CTXND2: variants seen among roughly 807,000 people sequenced by gnomAD.
The protein encoded by CTXND2 is cortexin domain containing 2.
intron 1 of CTXND2, among the ~76,000 whole-genome samples, chr1:150,900,403 C>T (rs940598359): frequency 5.3e-5 from 8 of 152,176 alleles, no homozygotes; most frequent in South Asian, 2.1e-4. Flanking sequence ...AAGGAACAAA[C>T]GTTGGACACA....
At chr1:150,893,179 A>G (rs1010872998) in intron 1 of CTXND2, among the ~76,000 whole-genome samples, 1 of 152,196 alleles carries the variant, frequency 6.6e-6, no homozygotes, top group African/African-American at 2.4e-5. Flanking sequence ...GCTGGTATTT[A>G]GAAATATAAT....
chr1:150,895,966 G>A (rs917869467), intron 1 of CTXND2, among the ~76,000 whole-genome samples: 32 of 152,188 alleles, frequency 2.1e-4, no homozygotes, highest in African/African-American at 7.7e-4. Flanking sequence ...CCTGGCTATG[G>A]TTCCTGATGG....
chr1:150,903,300 G>A (rs1485850482), intron 1 of CTXND2, among the ~76,000 whole-genome samples: 1 of 151,920 alleles, frequency 6.6e-6, no homozygotes, highest in Admixed American at 6.6e-5. Context: ...TTTATTATAA[G>A]TACTTTTGTG....
At chr1:150,887,416 G>A (rs922891621) in intron 1 of CTXND2, 103 bp downstream of exon 1, 2 of 151,810 alleles carry the variant, frequency 1.3e-5, no homozygotes, top group South Asian at 2.1e-4. Context: ...TTGGGAAATC[G>A]TGGGGAAATG....
intron 1 of CTXND2, among the ~76,000 whole-genome samples, chr1:150,911,171 C>T (rs901474438): frequency 2.0e-5 from 3 of 150,770 alleles, no homozygotes; most frequent in Non-Finnish European, 1.5e-5. Flanking sequence ...TGGTGTTGAA[C>T]TCCTGACCTC....
At chr1:150,903,672 C>T (rs1243921146) in intron 1 of CTXND2, among the ~76,000 whole-genome samples, 2 of 151,810 alleles carry the variant, frequency 1.3e-5, no homozygotes, top group African/African-American at 2.4e-5. Context: ...GTGGTGGGCG[C>T]CTGTAATCCC....
chr1:150,910,574 T>C (rs1403973912), intron 1 of CTXND2, among the ~76,000 whole-genome samples: 2 of 152,086 alleles, frequency 1.3e-5, no homozygotes, highest in East Asian at 1.9e-4. Flanking sequence ...ATTTTCTTGG[T>C]ACCCTAGTTT....
intron 1 of CTXND2, among the ~76,000 whole-genome samples, chr1:150,905,236 C>T (rs1403765170): frequency 6.6e-6 from 1 of 151,522 alleles, no homozygotes; most frequent in Admixed American, 6.6e-5. Flanking sequence ...TTCTACCTCC[C>T]GGATTCAAGT....
chr1:150,889,163 A>C (rs1668812739), intron 1 of CTXND2, among the ~76,000 whole-genome samples: 1 of 151,906 alleles, frequency 6.6e-6, no homozygotes, highest in Non-Finnish European at 1.5e-5. Flanking sequence ...TAATCCCAGC[A>C]CTCTGGGAAG....
intron 1 of CTXND2, among the ~76,000 whole-genome samples, chr1:150,900,433 C>T (rs1440550394): frequency 2.0e-5 from 3 of 152,156 alleles, no homozygotes; most frequent in Non-Finnish European, 4.4e-5. Context: ...AGAACTGTAA[C>T]ACTCACCGTG....
At chr1:150,905,806 C>T (rs192939760) in intron 1 of CTXND2, among the ~76,000 whole-genome samples, 7 of 151,750 alleles carry the variant, frequency 4.6e-5, no homozygotes, top group African/African-American at 7.3e-5. Flanking sequence ...CTGGCTAACA[C>T]GGTGAAACCC....
Position 150,906,392 on chromosome 1 carries a change from A to T in CTXND2, c.-73-5850A>T, listed in dbSNP as rs146830236. Reference sequence around the variant, plus strand: ...TATGGGATGTACAAAATTTGTGATGAGAAGCAAAGATAAAAGTACTTCCCC... The same window carrying T: ...TATGGGATGTACAAAATTTGTGATGTGAAGCAAAGATAAAAGTACTTCCCC... On this transcript the variant is annotated intron_variant, in intron 1 of 1. Coordinates refer to ENST00000636087, the Ensembl canonical transcript of CTXND2. Among the ~76,000 whole-genome samples the T allele has an allele frequency of 4.1e-3, 619 of 152,300 alleles. 1 individual carries two copies. Among genetic ancestry groups the T allele is most frequent in the African/African-American group, 0.014 (576 of 41,566 alleles).
chr1:150,910,133 C>CTTTTTTTTTTTTTTTTT (rs1338323220), intron 1 of CTXND2, among the ~76,000 whole-genome samples: 2 of 119,136 alleles, frequency 1.7e-5, no homozygotes, highest in African/African-American at 3.2e-5. Flanking sequence ...TTTTTTTTTT[C>CTTTTTTTTTTTTTTTTT]TTTTTTTTTT....
At chr1:150,909,657 A>G (rs1669214904) in intron 1 of CTXND2, among the ~76,000 whole-genome samples, 1 of 152,064 alleles carries the variant, frequency 6.6e-6, no homozygotes, top group African/African-American at 2.4e-5. Flanking sequence ...TAGGTCTTTG[A>G]TCCATTTTAA....
chr1:150,887,536 G>A (rs1034022008), intron 1 of CTXND2, among the ~76,000 whole-genome samples: 2 of 151,958 alleles, frequency 1.3e-5, no homozygotes, highest in Admixed American at 6.6e-5. Flanking sequence ...CAAGCAACCC[G>A]TCTGTCTCAG....
chr1:150,900,084 C>G (rs1272705968), intron 1 of CTXND2, among the ~76,000 whole-genome samples: 2 of 152,206 alleles, frequency 1.3e-5, no homozygotes, highest in African/African-American at 4.8e-5. Flanking sequence ...GAGCCAGCAG[C>G]AGCAACCCGT....
chr1:150,892,127 T>C (rs982339622), intron 1 of CTXND2, among the ~76,000 whole-genome samples: 23 of 152,182 alleles, frequency 1.5e-4, no homozygotes, highest in Non-Finnish European at 7.3e-5. Context: ...TCTAGTGAGA[T>C]CTGCAAGTGC....
intron 1 of CTXND2, among the ~76,000 whole-genome samples, chr1:150,894,979 C>T (rs971694283): frequency 1.3e-4 from 19 of 151,816 alleles, no homozygotes; most frequent in African/African-American, 2.7e-4. Context: ...TGTAGTGAGC[C>T]GAGATCGCAC....
intron 1 of CTXND2, among the ~76,000 whole-genome samples, chr1:150,910,326 C>T (rs1270430493): frequency 7.3e-6 from 1 of 136,904 alleles, no homozygotes; most frequent in Non-Finnish European, 1.6e-5. Flanking sequence ...CATGGGGTTT[C>T]GCCATGTTGG....
Sources: allele counts gnomAD v4.1 joint callset (sites outside exome capture counted in the v4.1 genomes callset), GRCh38; gene constraint gnomAD v4.1.1; transcripts MANE v1.5; gene names NCBI Gene and HGNC (gene_info 2026-07-23, HGNC 2026-07-21).